KHDRBS2: variants seen among roughly 807,000 people sequenced by gnomAD.
KHDRBS2 encodes KH RNA binding domain containing, signal transduction associated 2, also known as KH domain-containing, RNA-binding, signal transduction-associated protein 2.
In KHDRBS2, 26 loss-of-function variants were observed where a neutral mutation model predicts 44.3. That is an observed-to-expected ratio of 0.59 (90% CI 0.43 to 0.81). The LOEUF is 0.81. KHDRBS2 is among the 40% of genes least tolerant of loss of function. The probability of loss-of-function intolerance (pLI) is 0.00; values close to 1 mark genes in which losing one functional copy is unlikely to be tolerated. For synonymous variants in KHDRBS2, 194 were observed against 151.1 expected (o/e 1.28, Z -2.08); for missense variants, 476 against 433.1 (o/e 1.10, Z -0.88).
intron 3 of KHDRBS2, among the ~76,000 whole-genome samples, chr6:62,023,527 T>C (rs925038250): frequency 6.6e-6 from 1 of 151,624 alleles, no homozygotes; most frequent in African/African-American, 2.4e-5. Flanking sequence ...ATAATTTATG[T>C]GGAAAGAAAT....
intron 3 of KHDRBS2, among the ~76,000 whole-genome samples, chr6:62,019,098 T>C (rs1781784260): frequency 6.6e-6 from 1 of 152,114 alleles, no homozygotes; most frequent in South Asian, 2.1e-4. Flanking sequence ...GGCACTGATC[T>C]GGAATAGCAT....
intron 6 of KHDRBS2, among the ~76,000 whole-genome samples, chr6:61,801,919 C>CTATCTTAGG (rs1786342907): frequency 6.6e-6 from 1 of 152,226 alleles, no homozygotes; most frequent in South Asian, 2.1e-4. Context: ...AGAGGATTAT[C>CTATCTTAGG]TAGGTAGGTC....
At chr6:62,282,210 G>A (rs901168308) in intron 1 of KHDRBS2, among the ~76,000 whole-genome samples, 3 of 152,142 alleles carry the variant, frequency 2.0e-5, no homozygotes, top group African/African-American at 7.2e-5. Context: ...GTTTGCATGT[G>A]TGGTAAGTAT....
intron 2 of KHDRBS2, among the ~76,000 whole-genome samples, chr6:62,053,404 G>T (rs184712866): frequency 9.2e-4 from 140 of 151,928 alleles, no homozygotes; most frequent in African/African-American, 3.3e-3. Flanking sequence ...TAGTATCATA[G>T]CTAAGTCCTG....
At chr6:62,110,864 T>C (rs544599664) in intron 2 of KHDRBS2, among the ~76,000 whole-genome samples, 1 of 152,184 alleles carries the variant, frequency 6.6e-6, no homozygotes, top group South Asian at 2.1e-4. Context: ...ATATTTTATA[T>C]GTGTAATTTC....
At chr6:61,821,092 T>C (rs890355368) in intron 6 of KHDRBS2, among the ~76,000 whole-genome samples, 1 of 151,962 alleles carries the variant, frequency 6.6e-6, no homozygotes, top group Admixed American at 6.6e-5. Flanking sequence ...CTTGGTTCCA[T>C]AAGATTAAGC....
At chr6:62,003,027 T>C (rs937050949) in intron 3 of KHDRBS2, among the ~76,000 whole-genome samples, 4 of 152,142 alleles carry the variant, frequency 2.6e-5, no homozygotes, top group Non-Finnish European at 4.4e-5. Flanking sequence ...ATATAAAATC[T>C]AATCCCTTTT....
the KHDRBS2 span, among the ~76,000 whole-genome samples, chr6:61,666,904 A>C: frequency 6.6e-6 from 1 of 151,228 alleles, no homozygotes; most frequent in Non-Finnish European, 1.5e-5. Flanking sequence ...GAAGAAGCCC[A>C]AGTCTCTGAA....
intron 2 of KHDRBS2, among the ~76,000 whole-genome samples, chr6:62,071,228 T>C (rs1235976698): frequency 3.9e-5 from 6 of 152,190 alleles, no homozygotes; most frequent in Admixed American, 1.3e-4. Flanking sequence ...TCATTGTAGA[T>C]TCTGGATATT....
chr6:62,149,758 G>T (rs1814703932), intron 2 of KHDRBS2, among the ~76,000 whole-genome samples: 1 of 152,124 alleles, frequency 6.6e-6, no homozygotes, highest in Admixed American at 6.6e-5. Flanking sequence ...GACAAAGAAG[G>T]AAAGATTGTT....
intron 1 of KHDRBS2, among the ~76,000 whole-genome samples, chr6:62,209,048 C>T (rs1377707392): frequency 6.6e-6 from 1 of 152,054 alleles, no homozygotes; most frequent in South Asian, 2.1e-4. Context: ...AGGAAACAAT[C>T]AATGAAATAA....
At chr6:61,936,599 G>C (rs111547261) in intron 4 of KHDRBS2, among the ~76,000 whole-genome samples, 1 of 151,576 alleles carries the variant, frequency 6.6e-6, no homozygotes, top group Admixed American at 6.6e-5. Context: ...TCTTATGTTG[G>C]TTTCCTTCGG....
chr6:62,161,363 A>T (rs1337806023), intron 2 of KHDRBS2, among the ~76,000 whole-genome samples: 1 of 151,266 alleles, frequency 6.6e-6, no homozygotes, highest in Non-Finnish European at 1.5e-5. Flanking sequence ...GAAAAAATAA[A>T]ATATAATAAT....
intron 3 of KHDRBS2, among the ~76,000 whole-genome samples, chr6:62,006,455 A>T (rs1779248039): frequency 6.6e-6 from 1 of 152,074 alleles, no homozygotes; most frequent in African/African-American, 2.4e-5. Flanking sequence ...AATGAAGGTC[A>T]GAGCTGAAGG....
chr6:61,757,961 A>G (rs957467262), intron 6 of KHDRBS2, among the ~76,000 whole-genome samples: 4 of 152,152 alleles, frequency 2.6e-5, no homozygotes, highest in African/African-American at 7.2e-5. Context: ...CCCCGAACTC[A>G]GTTATTTATT....
chr6:61,895,243 A>T (rs1802743973), intron 5 of KHDRBS2, among the ~76,000 whole-genome samples: 1 of 152,060 alleles, frequency 6.6e-6, no homozygotes, highest in Admixed American at 6.6e-5. Flanking sequence ...CCATCTCTGA[A>T]ACTGAGCGGT....
intron 7 of KHDRBS2, among the ~76,000 whole-genome samples, chr6:61,709,168 C>G (rs903503787): frequency 4.6e-5 from 7 of 151,634 alleles, no homozygotes; most frequent in Non-Finnish European, 8.9e-5. Flanking sequence ...CAAAGCTTCT[C>G]TTTTTCGTAT....
intron 4 of KHDRBS2, among the ~76,000 whole-genome samples, chr6:61,938,508 T>G (rs779550179): frequency 6.6e-6 from 1 of 152,168 alleles, no homozygotes; most frequent in Non-Finnish European, 1.5e-5. Flanking sequence ...TTTTGAACTT[T>G]GTTTATTGAG....
chr6:61,939,214 T>G (rs1811637572), intron 4 of KHDRBS2, among the ~76,000 whole-genome samples: 1 of 151,760 alleles, frequency 6.6e-6, no homozygotes, highest in East Asian at 2.0e-4. Context: ...CTCACAGCTG[T>G]TTTCTTAAGG....
Sources: gnomAD v4.1 joint callset for allele counts (sites outside exome capture counted in the v4.1 genomes callset) on GRCh38, gnomAD v4.1.1 for gene constraint, MANE v1.5 for transcripts, NCBI Gene and HGNC (gene_info 2026-07-23, HGNC 2026-07-21) for gene names.